The following DGKB variants were observed in gnomAD, a reference collection of about 807,000 sequenced individuals.
DGKB encodes the protein diacylglycerol kinase beta.
DGKB carries 67 observed loss-of-function variants against 114.3 expected under a neutral mutation model. That is an observed-to-expected ratio of 0.59 (90% CI 0.48 to 0.72). The LOEUF is 0.72. Ranked by LOEUF, DGKB falls within the 30% of genes least tolerant of loss-of-function variation. The pLI, the probability that DGKB is intolerant of heterozygous loss-of-function variation, is 0.00. For missense variants in DGKB, 907 were observed against 975.2 expected, an observed-to-expected ratio of 0.93 and a Z score of 0.93; for synonymous variants, 398 against 323.1, an observed-to-expected ratio of 1.23 and a Z score of -2.49.
chr7:14,424,785 C>T (rs1827245986), intron 21 of DGKB, among the ~76,000 whole-genome samples: 2 of 151,982 alleles, frequency 1.3e-5, no homozygotes, highest in African/African-American at 2.4e-5. Flanking sequence ...GAAATAATTG[C>T]CCAGATCACA....
chr7:14,503,631 G>A (rs1024307941), intron 20 of DGKB, among the ~76,000 whole-genome samples: 6 of 152,060 alleles, frequency 3.9e-5, no homozygotes, highest in African/African-American at 9.7e-5. Context: ...GATTAACTCC[G>A]AGATTTATTC....
intron 20 of DGKB, among the ~76,000 whole-genome samples, chr7:14,508,350 T>C (rs578218322): frequency 1.3e-5 from 2 of 152,290 alleles, no homozygotes; most frequent in African/African-American, 4.8e-5. Flanking sequence ...TGTGAACGCA[T>C]AAAATGAATA....
intron 25 of DGKB, among the ~76,000 whole-genome samples, chr7:14,172,216 G>A (rs1781107683): frequency 6.7e-6 from 1 of 150,056 alleles, no homozygotes; most frequent in South Asian, 2.1e-4. Flanking sequence ...GGTAAAACAG[G>A]AAGCCTCACT....
intron 6 of DGKB, among the ~76,000 whole-genome samples, chr7:14,707,113 A>T (rs956485769): frequency 1.5e-5 from 2 of 137,128 alleles, no homozygotes; most frequent in Non-Finnish European, 1.6e-5. Context: ...AAATAGACGC[A>T]ATAAAAAATG....
chr7:14,578,198 A>G (rs1584928671), intron 19 of DGKB, among the ~76,000 whole-genome samples: 1 of 152,126 alleles, frequency 6.6e-6, no homozygotes, highest in South Asian at 2.1e-4. Context: ...CTTCTCCTTC[A>G]CCTTCACGAT....
At chr7:14,785,698 A>G (rs1486360643) in intron 2 of DGKB, among the ~76,000 whole-genome samples, 1 of 152,160 alleles carries the variant, frequency 6.6e-6, no homozygotes, top group African/African-American at 2.4e-5. Context: ...TGAAATTCTA[A>G]AATAGAAAAT....
intron 21 of DGKB, among the ~76,000 whole-genome samples, chr7:14,427,783 A>G (rs1317320745): frequency 6.6e-6 from 1 of 152,076 alleles, no homozygotes; most frequent in Non-Finnish European, 1.5e-5. Context: ...AACTGCCCCC[A>G]TGATTCAGTT....
chr7:14,725,648 A>G (rs992964243), intron 5 of DGKB, among the ~76,000 whole-genome samples: 7 of 152,004 alleles, frequency 4.6e-5, no homozygotes, highest in Non-Finnish European at 7.4e-5. Flanking sequence ...CCAGGGTTCA[A>G]GAGATTCTCC....
chr7:14,844,396 C>A (rs80196839), intron 1 of DGKB, among the ~76,000 whole-genome samples: 2,847 of 152,210 alleles, frequency 0.019, 76 homozygotes, highest in African/African-American at 0.065. Context: ...GGTCCACCAC[C>A]TGTTTTTGTA....
chr7:14,682,077 T>A (rs746318807), intron 12 of DGKB, among the ~76,000 whole-genome samples: 1 of 152,122 alleles, frequency 6.6e-6, no homozygotes, highest in Non-Finnish European at 1.5e-5. Context: ...TAGTCTTCAC[T>A]ATGTACTTAA....
At chr7:14,227,057 GTTTGT>G (rs1790917989) in intron 23 of DGKB, among the ~76,000 whole-genome samples, 2 of 151,924 alleles carry the variant, frequency 1.3e-5, no homozygotes, top group Non-Finnish European at 2.9e-5. Context: ...TTTTTTGTCT[GTTTGT>G]TTTAAGAGAA....
At chr7:14,557,906 T>G (rs1796100255) in intron 20 of DGKB, among the ~76,000 whole-genome samples, 1 of 151,694 alleles carries the variant, frequency 6.6e-6, no homozygotes, top group Non-Finnish European at 1.5e-5. Flanking sequence ...TCCTGCAACA[T>G]TGGTTGATTA....
intron 2 of DGKB, among the ~76,000 whole-genome samples, chr7:14,825,349 T>C (rs1389952585): frequency 6.6e-6 from 1 of 152,114 alleles, no homozygotes; most frequent in Non-Finnish European, 1.5e-5. Context: ...TTCATTGTAA[T>C]ATGTAATGAA....
Position 14,403,613 on chromosome 7 carries a change from T to C in DGKB, c.1836-58222A>G, listed in dbSNP as rs375012263. On this transcript the variant is annotated intron_variant, in intron 21 of 25. Coordinates refer to ENST00000402815, the MANE Select transcript of DGKB (RefSeq NM_001350709.2). The stretch of plus-strand genomic sequence containing the variant: ...CGCATCAACTCCAATGCAACTCCTG[T>C]TGGAGAACTCTTAGGGAACCCTAAT... Among the ~76,000 whole-genome samples, 13 of 152,144 alleles carry C rather than the reference T, an allele frequency of 8.5e-5. 1 individual carries two copies. The East Asian group carries it at 1.9e-3, about 23-fold the overall frequency.
chr7:14,597,943 A>G (rs572617681), intron 17 of DGKB, among the ~76,000 whole-genome samples: 5 of 152,170 alleles, frequency 3.3e-5, no homozygotes, highest in Non-Finnish European at 5.9e-5. Context: ...ATCAATTTAA[A>G]GCACAATCTT....
intron 25 of DGKB, among the ~76,000 whole-genome samples, chr7:14,151,477 A>T (rs1782199584): frequency 2.0e-5 from 3 of 151,926 alleles, no homozygotes; most frequent in African/African-American, 7.3e-5. Flanking sequence ...TAAAAAAAAA[A>T]ATTACATGAT....
intron 23 of DGKB, among the ~76,000 whole-genome samples, chr7:14,198,196 AT>A (rs1179052248): frequency 6.6e-6 from 1 of 152,136 alleles, no homozygotes; most frequent in East Asian, 1.9e-4. Context: ...AGGAATTTTG[AT>A]TCCAGGTATT....
At chr7:14,782,006 T>A (rs560548920) in intron 2 of DGKB, among the ~76,000 whole-genome samples, 45 of 152,044 alleles carry the variant, frequency 3.0e-4, no homozygotes, top group East Asian at 3.9e-4. Flanking sequence ...AGCATTTTTT[T>A]AAAAAAAATA....
chr7:14,739,880 A>C (rs1586130942), intron 4 of DGKB, among the ~76,000 whole-genome samples: 1 of 152,064 alleles, frequency 6.6e-6, no homozygotes, highest in South Asian at 2.1e-4. Context: ...TTCCACCCCA[A>C]CCCCAACTGC....
Sources: gnomAD v4.1 joint callset for allele counts (sites outside exome capture counted in the v4.1 genomes callset) on GRCh38, gnomAD v4.1.1 for gene constraint, MANE v1.5 for transcripts, NCBI Gene and HGNC (gene_info 2026-07-23, HGNC 2026-07-21) for gene names.